Variants in CGNL1 observed in about 807,000 individuals in gnomAD.
The protein encoded by CGNL1 is cingulin like 1, also known as cingulin-like protein 1.
A neutral mutation model predicts 141.2 loss-of-function variants in CGNL1; 132 were observed. The observed-to-expected ratio is 0.93, with a 90% confidence interval of 0.81 to 1.08. The LOEUF (loss-of-function observed/expected upper bound fraction) is 1.08, where lower values mean the gene tolerates loss of function less well. Ranked by LOEUF, CGNL1 falls within the 50% of genes least tolerant of loss-of-function variation. The pLI is 0.00. For missense variants in CGNL1, 1,870 were observed against 1,588.6 expected (o/e 1.18, Z -3.01); for synonymous variants, 690 against 622.1 (o/e 1.11, Z -1.63).
At chr15:57,409,553 G>C (rs566584516) in intron 1 of CGNL1, among the ~76,000 whole-genome samples, 7 of 152,080 alleles carry the variant, frequency 4.6e-5, no homozygotes, top group Admixed American at 3.9e-4. Flanking sequence ...CCATGGTGTC[G>C]GGATGGAGAA....
intron 1 of CGNL1, among the ~76,000 whole-genome samples, chr15:57,380,707 G>C (rs1488091801): frequency 1.3e-5 from 2 of 152,204 alleles, no homozygotes; most frequent in Non-Finnish European, 2.9e-5. Context: ...GGTGGAGGAA[G>C]AGAACAGATT....
chr15:57,413,538 A>G (rs1470600255), intron 1 of CGNL1, among the ~76,000 whole-genome samples: 2 of 151,512 alleles, frequency 1.3e-5, no homozygotes, highest in Non-Finnish European at 2.9e-5. Context: ...CATCCCCCTC[A>G]GCCTCCCAAA....
chr15:57,392,148 C>G (rs1255216261), intron 1 of CGNL1, among the ~76,000 whole-genome samples: 2 of 152,076 alleles, frequency 1.3e-5, no homozygotes, highest in East Asian at 3.8e-4. Flanking sequence ...TCATGCCCTT[C>G]TTGGCTGTTT....
intron 1 of CGNL1, among the ~76,000 whole-genome samples, chr15:57,425,926 A>G (rs1378207336): frequency 1.3e-5 from 2 of 151,922 alleles, no homozygotes; most frequent in Non-Finnish European, 2.9e-5. Flanking sequence ...AGACATCTAT[A>G]TATTATAAAA....
In CGNL1 at chr15:57,439,263, T is replaced by C; in HGVS notation, c.1264T>C (p.Ser422Pro). 1 of 1,614,020 alleles carries C rather than the reference T, an allele frequency of 6.2e-7. No individual in the cohort carries two copies. Among genetic ancestry groups the C allele is most frequent in the Non-Finnish European group, 8.5e-7 (1 of 1,180,018 alleles). ...GTCAAGCGAACACCTCCTCCGGCCT[T>C]CCCAGGTGTGCCCGCAGCGGCCACT... ...GKSSEHLLRP[S>P]QVCPQRPLSQ... The change falls in exon 2 of 19, where the codon TCC becomes CCC. Residue 422 changes from serine (S) to proline (P), a missense_variant. Transcript: ENST00000281282.
rs1203644078 is a variant in CGNL1 at position 57,438,165 on chromosome 15, G to A, written c.166G>A (p.Val56Ile). ...VQGIDGHPYIVLNNTERCLAG... is the reference protein window; with the variant it reads ...VQGIDGHPYIILNNTERCLAG... ...GGGAATTGATGGTCACCCCTATATT[G>A]TCCTGAATAACACAGAACGGTGCCT... The change falls in exon 2 of 19, where the codon GTC becomes ATC. Residue 56 changes from valine (V) to isoleucine (I), a missense_variant. Val to Ile is a conservative substitution (Grantham distance 29). Transcript: ENST00000281282. 6.2e-7 allele frequency: 1 copy of A among 1,614,150 alleles called. No individual in the cohort carries two copies. Among genetic ancestry groups the A allele is most frequent in the South Asian group, 1.1e-5 (1 of 91,084 alleles).
At chr15:57,508,398 A>G (rs1356339127) in intron 8 of CGNL1, among the ~76,000 whole-genome samples, 1 of 152,256 alleles carries the variant, frequency 6.6e-6, no homozygotes, top group Non-Finnish European at 1.5e-5. Context: ...AGAAATGGTA[A>G]GTAGGCAAAT....
chr15:57,522,024 C>G (rs1407323241), intron 10 of CGNL1, among the ~76,000 whole-genome samples: 1 of 152,208 alleles, frequency 6.6e-6, no homozygotes, highest in East Asian at 1.9e-4. Flanking sequence ...TGCCCCAACA[C>G]TGCTAAATCA....
chr15:57,378,686 A>C (rs1300081654), intron 1 of CGNL1, among the ~76,000 whole-genome samples: 1 of 152,122 alleles, frequency 6.6e-6, no homozygotes, highest in Non-Finnish European at 1.5e-5. Context: ...CCCCGCCTGT[A>C]TTTTTATTAA....
chr15:57,505,997 T>G (rs1448354826), intron 8 of CGNL1, among the ~76,000 whole-genome samples: 1 of 152,190 alleles, frequency 6.6e-6, no homozygotes, highest in Non-Finnish European at 1.5e-5. Context: ...GGCAGAACTG[T>G]GGACTGGAGT....
intron 4 of CGNL1, among the ~76,000 whole-genome samples, chr15:57,448,561 T>A (rs1285478082): frequency 6.6e-6 from 1 of 152,068 alleles, no homozygotes; most frequent in African/African-American, 2.4e-5. Flanking sequence ...GGCAGGAGAA[T>A]TGTTTGAACC....
intron 1 of CGNL1, among the ~76,000 whole-genome samples, chr15:57,431,463 T>C (rs954630895): frequency 2.0e-5 from 3 of 152,216 alleles, no homozygotes; most frequent in African/African-American, 2.4e-5. Context: ...AGGGAATACA[T>C]TGAAACTAAT....
intron 2 of CGNL1, among the ~76,000 whole-genome samples, chr15:57,439,913 T>A (rs762224343): frequency 6.6e-6 from 1 of 152,174 alleles, no homozygotes; most frequent in Non-Finnish European, 1.5e-5. Flanking sequence ...TATGCAGAAT[T>A]TGTTTCTACA....
intron 1 of CGNL1, among the ~76,000 whole-genome samples, chr15:57,426,707 C>T (rs1254188126): frequency 1.3e-5 from 2 of 151,596 alleles, no homozygotes; most frequent in African/African-American, 2.4e-5. Flanking sequence ...GATCCGCCTG[C>T]CTCAGCCTCC....
intron 1 of CGNL1, among the ~76,000 whole-genome samples, chr15:57,432,950 A>G (rs1193674762): frequency 6.6e-6 from 1 of 152,232 alleles, no homozygotes; most frequent in Non-Finnish European, 1.5e-5. Flanking sequence ...TGACTGTAGT[A>G]GGAATAGCTA....
intron 14 of CGNL1, among the ~76,000 whole-genome samples, chr15:57,540,944 A>G (rs1595814498): frequency 6.6e-6 from 1 of 152,198 alleles, no homozygotes; most frequent in South Asian, 2.1e-4. Context: ...TCCCCAGGGG[A>G]AACTCCTAAT....
At chr15:57,407,538 G>T (rs1259798442) in intron 1 of CGNL1, among the ~76,000 whole-genome samples, 1 of 151,926 alleles carries the variant, frequency 6.6e-6, no homozygotes, top group Admixed American at 6.6e-5. Flanking sequence ...ACCGGGCGTG[G>T]TGTGCATGCT....
At chr15:57,412,834 A>G (rs1407672649) in intron 1 of CGNL1, among the ~76,000 whole-genome samples, 6 of 152,020 alleles carry the variant, frequency 3.9e-5, no homozygotes, top group Non-Finnish European at 7.4e-5. Context: ...CTCCTTCTGT[A>G]CCCAGTGCCA....
In CGNL1 at chr15:57,547,831, GGTCCA is replaced by G. The variant is rs544283726; in HGVS notation, c.*343_*347del. ...CATCACTCCCCCTGCCAAGACAAAG[GGTCCA>G]GAAGGCTAGGACTTACTTAATAGCA... On this transcript the variant is annotated 3_prime_UTR_variant, in exon 19 of 19. Coordinates refer to ENST00000281282, the MANE Select transcript of CGNL1 (RefSeq NM_032866.5). 2.9e-4 allele frequency: 75 copies of G among 260,606 alleles called. No individual in the cohort carries two copies. The highest frequency in any genetic ancestry group is 1.4e-3 in the African/African-American group (62 of 44,774). 16.1% of individuals were successfully genotyped at this position (260,606 alleles called of 1,614,324 possible).
Sources: gnomAD v4.1 joint callset for allele counts (sites outside exome capture counted in the v4.1 genomes callset) on GRCh38, gnomAD v4.1.1 for gene constraint, MANE v1.5 for transcripts, NCBI Gene and HGNC (gene_info 2026-07-23, HGNC 2026-07-21) for gene names.